Variants in GNPDA2 observed in about 807,000 individuals in gnomAD.
The protein encoded by GNPDA2 is glucosamine-6-phosphate deaminase 2.
In GNPDA2, 24 loss-of-function variants were observed where a neutral mutation model predicts 27.0. That is an observed-to-expected ratio of 0.89 (90% CI 0.64 to 1.25). GNPDA2 has a LOEUF of 1.25. Among genes scored for constraint, GNPDA2 ranks in the 50% most tolerant of loss-of-function variants. The pLI, the probability that GNPDA2 is intolerant of heterozygous loss-of-function variation, is 0.00. For synonymous variants in GNPDA2, 94 were observed against 108.4 expected (o/e 0.87, Z 0.83); for missense variants, 286 against 335.1 (o/e 0.85, Z 1.14).
At chr4:44,711,191 G>T in intron 4 of GNPDA2, 54 bp from the exon 5 acceptor site, 2 of 1,151,856 alleles carry the variant, frequency 1.7e-6, no homozygotes, top group Non-Finnish European at 2.3e-6. Flanking sequence ...GTTTCACAAA[G>T]TTCAATGTGC....
chr4:44,718,737 C>T (rs1010684242), intron 2 of GNPDA2, among the ~76,000 whole-genome samples: 1 of 151,684 alleles, frequency 6.6e-6, no homozygotes, highest in African/African-American at 2.4e-5. Flanking sequence ...ATCTCCCTTT[C>T]TGAAAAAAAA....
In GNPDA2 at chr4:44,703,546, G is replaced by C. The variant is rs548446517; in HGVS notation, c.770-404C>G. The C allele has an allele frequency of 8.7e-5, 87 of 994,884 alleles. No homozygotes were observed. The African/African-American group carries it at 1.4e-3, about 16-fold the overall frequency. 61.6% of individuals were successfully genotyped at this position (994,884 alleles called of 1,614,324 possible). A position where few individuals can be genotyped will look rare whatever the true frequency, so the allele number is the denominator to read the frequency against. On this transcript the variant is annotated intron_variant, in intron 6 of 6. Transcript: ENST00000295448. ...CTCCAGCCAGGGGCTCAGAACTGCT[G>C]TCTCACTCTTAATACATTACCCTAT...
Position 44,722,201 on chromosome 4 carries a change from G to C in GNPDA2, c.7C>G (p.Leu3Val), listed in dbSNP as rs950039042. 6.2e-7 allele frequency: 1 copy of C among 1,613,304 alleles called. No homozygotes were observed. The highest frequency in any genetic ancestry group is 8.5e-7 in the Non-Finnish European group (1 of 1,179,480). Residue 3 changes from leucine (L) to valine (V), a missense_variant, in exon 2 of 7, where the codon CTT (leucine) becomes GTT (valine). Physicochemically the swap from Leu to Val is conservative, Grantham distance 32 (BLOSUM62 1). Transcript: ENST00000295448. The stretch of plus-strand genomic sequence containing the variant: ...AAGTCATAGTTATCAAGAATTACAA[G>C]CCTCATTACGGTGACGCACAGCTTC... MR[L>V]VILDNYDLAS...
At chr4:44,721,378 A>T (rs969384005) in intron 2 of GNPDA2, among the ~76,000 whole-genome samples, 1 of 152,138 alleles carries the variant, frequency 6.6e-6, no homozygotes, top group Non-Finnish European at 1.5e-5. Context: ...AAGGAAACCA[A>T]GGCTCAGGGG....
chr4:44,723,430 C>A (rs1251555448), intron 1 of GNPDA2, among the ~76,000 whole-genome samples: 1 of 152,090 alleles, frequency 6.6e-6, no homozygotes, highest in Non-Finnish European at 1.5e-5. Context: ...CCTCTAATAT[C>A]AGTCTACTTT....
intron 2 of GNPDA2, among the ~76,000 whole-genome samples, chr4:44,720,156 G>T (rs1355930898): frequency 6.6e-6 from 1 of 152,112 alleles, no homozygotes; most frequent in Non-Finnish European, 1.5e-5. Flanking sequence ...GTTCAACGAT[G>T]ACATCTGTCT....
chr4:44,722,398 A>T (rs1453138213), intron 1 of GNPDA2, among the ~76,000 whole-genome samples, 156 bp from the exon 2 acceptor site: 3 of 152,320 alleles, frequency 2.0e-5, no homozygotes, highest in Non-Finnish European at 2.9e-5. Context: ...CACATATACA[A>T]TCTGAATTTA....
At chr4:44,721,503 T>G (rs1717666134) in intron 2 of GNPDA2, among the ~76,000 whole-genome samples, 1 of 152,056 alleles carries the variant, frequency 6.6e-6, no homozygotes, top group Non-Finnish European at 1.5e-5. Flanking sequence ...CACCTAGTCG[T>G]TTTTTAAGAG....
intron 3 of GNPDA2, 63 bp downstream of exon 3, chr4:44,718,246 C>A: frequency 1.6e-6 from 1 of 624,606 alleles, no homozygotes; most frequent in Middle Eastern, 2.7e-4. Flanking sequence ...TCTAAAACTA[C>A]ATTCATTTTA....
rs770193980 is a variant in GNPDA2 at position 44,711,058 on chromosome 4, T to C, written c.489A>G (p.Ala163=). 2.5e-6 allele frequency: 4 copies of C among 1,613,228 alleles called. No individual in the cohort carries two copies. The African/African-American group carries it at 4.0e-5, about 16-fold the overall frequency. Residue 163 remains alanine, a synonymous_variant, in exon 5 of 7, where the codon GCA becomes GCG. Coordinates refer to ENST00000295448, the MANE Select transcript of GNPDA2 (RefSeq NM_138335.3). The part of the protein sequence containing the change: ...LVSRTRLKTL[A]MDTILANAKY... ...TGGCATTTGCCAAGATGGTATCCAT[T>C]GCTAGAGTCTTTAATCTTGTCCTTG...
chr4:44,715,327 C>T (rs193048107), intron 4 of GNPDA2, among the ~76,000 whole-genome samples: 1 of 152,090 alleles, frequency 6.6e-6, no homozygotes, highest in South Asian at 2.1e-4. Context: ...TTTGGGTCTA[C>T]AAGAGATTTG....
chr4:44,716,993 C>A, intron 4 of GNPDA2, 120 bp downstream of exon 4: 3 of 591,358 alleles, frequency 5.1e-6, no homozygotes, highest in Non-Finnish European at 8.8e-6. Context: ...AGAATAAACG[C>A]GTATTACGGA....
chr4:44,716,417 C>CT (rs1205147697), intron 4 of GNPDA2, among the ~76,000 whole-genome samples: 4 of 151,912 alleles, frequency 2.6e-5, no homozygotes, highest in African/African-American at 9.6e-5. Flanking sequence ...TTGAACTATT[C>CT]TTATAGCAAT....
At chr4:44,715,949 C>T (rs1243864780) in intron 4 of GNPDA2, among the ~76,000 whole-genome samples, 1 of 151,938 alleles carries the variant, frequency 6.6e-6, no homozygotes, top group Non-Finnish European at 1.5e-5. Context: ...TCCGCATTTA[C>T]AGTTGAGAGA....
intron 4 of GNPDA2, among the ~76,000 whole-genome samples, chr4:44,715,412 C>A (rs1166449699): frequency 6.6e-6 from 1 of 152,080 alleles, no homozygotes; most frequent in African/African-American, 2.4e-5. Context: ...TATTTTCAAG[C>A]AGCCACTTTT....
chr4:44,711,731 T>C (rs1055190168), intron 4 of GNPDA2, among the ~76,000 whole-genome samples: 2 of 151,686 alleles, frequency 1.3e-5, no homozygotes, highest in African/African-American at 4.8e-5. Flanking sequence ...GATAAGATAA[T>C]GTCTAGGGCA....
intron 1 of GNPDA2, among the ~76,000 whole-genome samples, chr4:44,725,819 C>A (rs1166215688): frequency 1.3e-5 from 2 of 152,236 alleles, no homozygotes; most frequent in African/African-American, 4.8e-5. Flanking sequence ...CGTCTTCCTT[C>A]AGGTGCTGAT....
chr4:44,723,163 G>T (rs1324902681), intron 1 of GNPDA2, among the ~76,000 whole-genome samples: 1 of 152,194 alleles, frequency 6.6e-6, no homozygotes, highest in East Asian at 1.9e-4. Flanking sequence ...CACAATGTAG[G>T]TTGACTTATA....
chr4:44,704,171 G>C, intron 6 of GNPDA2: 3 of 984,954 alleles, frequency 3.0e-6, no homozygotes, highest in Non-Finnish European at 3.6e-6. Flanking sequence ...CTAACCATAA[G>C]AATGGGACTC....
Sources: gnomAD v4.1 joint callset for allele counts (sites outside exome capture counted in the v4.1 genomes callset) on GRCh38, gnomAD v4.1.1 for gene constraint, MANE v1.5 for transcripts, NCBI Gene and HGNC (gene_info 2026-07-23, HGNC 2026-07-21) for gene names.